The following HMCN1 variants were observed in gnomAD, a reference collection of about 807,000 sequenced individuals.
HMCN1 encodes hemicentin-1.
HMCN1 carries 321 observed loss-of-function variants against 625.9 expected under a neutral mutation model. The ratio of observed to expected loss-of-function variants is 0.51; its 90% confidence interval spans 0.47 to 0.56. HMCN1 has a LOEUF of 0.56. Ranked by LOEUF, HMCN1 falls within the 20% of genes least tolerant of loss-of-function variation. HMCN1 has a pLI of 0.00. For synonymous variants in HMCN1, 2,425 were observed against 2,417.6 expected (o/e 1.00, Z -0.09); for missense variants, 6,588 against 6,887.3 (o/e 0.96, Z 1.54).
intron 1 of HMCN1, among the ~76,000 whole-genome samples, chr1:185,794,601 ATT>A (rs34098989): frequency 0.013 from 1,494 of 111,152 alleles, 15 homozygotes; most frequent in African/African-American, 0.051. Flanking sequence ...GTCTTTACAC[ATT>A]TTTTTTTTTT....
In HMCN1 at chr1:186,117,480, A is replaced by G. The variant is rs1661188198; in HGVS notation, c.11705A>G (p.Glu3902Gly). The change falls in exon 77 of 107, where the codon GAG becomes GGG. Residue 3902 changes from glutamate (E) to glycine (G), a missense_variant. By Grantham distance (98) the Glu-to-Gly change is moderately conservative (BLOSUM62 -2). Transcript: ENST00000271588. Reference sequence around the variant, plus strand: ...TTAGTTCCACCTTCCATAGCTGATGAGCCTACAGATTTCCTAGTAACCAAA... The same window carrying G: ...TTAGTTCCACCTTCCATAGCTGATGGGCCTACAGATTTCCTAGTAACCAAA... ...TVQVPPSIAD[E>G]PTDFLVTKHA... 6.2e-7 allele frequency: 1 copy of G among 1,613,684 alleles called. No homozygotes were observed. Among genetic ancestry groups the G allele is most frequent in the African/African-American group, 1.3e-5 (1 of 74,868 alleles).
At chr1:185,913,170 G>A (rs1319853984) in intron 6 of HMCN1, among the ~76,000 whole-genome samples, 1 of 151,876 alleles carries the variant, frequency 6.6e-6, no homozygotes, top group Non-Finnish European at 1.5e-5. Context: ...ATTATTTCAA[G>A]GTGGATAATA....
At chr1:186,071,159 G>A (rs1024857747) in intron 52 of HMCN1, among the ~76,000 whole-genome samples, 1 of 152,114 alleles carries the variant, frequency 6.6e-6, no homozygotes, top group South Asian at 2.1e-4. Flanking sequence ...AGGTAAAGAA[G>A]CAACACATAA....
rs1375188474 is a variant in HMCN1, at chr1:185,997,524, G to T, written c.3874G>T (p.Gly1292Cys). The T allele has an allele frequency of 7.5e-6, 12 of 1,595,968 alleles. No homozygotes were observed. The highest frequency in any genetic ancestry group is 1.3e-5 in the African/African-American group (1 of 74,500). ...CATTGAATTTCCATGTCCTGCAAAA[G>T]GTACGTAATACTGAAAGATATAGGC... ...QRIEFPCPAK[G>C]TPKPTIKWLH... Residue 1292 changes from glycine to cysteine, a missense_variant and splice_region_variant, in exon 25 of 107, where the codon GGT (glycine) becomes TGT (cysteine). By Grantham distance (159) the Gly-to-Cys change is radical (BLOSUM62 -3). Transcript: ENST00000271588.
At chr1:185,837,158 T>C (rs180720784) in intron 1 of HMCN1, among the ~76,000 whole-genome samples, 1 of 151,862 alleles carries the variant, frequency 6.6e-6, no homozygotes, top group Non-Finnish European at 1.5e-5. Context: ...TGAACATATA[T>C]GTATCACAAA....
intron 1 of HMCN1, among the ~76,000 whole-genome samples, chr1:185,774,133 C>A (rs1253076614): frequency 6.6e-6 from 1 of 151,998 alleles, no homozygotes; most frequent in Non-Finnish European, 1.5e-5. Flanking sequence ...TTTCCAGATC[C>A]CCTAACCTCA....
chr1:185,846,404 C>T (rs1175043243), intron 2 of HMCN1, among the ~76,000 whole-genome samples: 1 of 152,166 alleles, frequency 6.6e-6, no homozygotes, highest in East Asian at 1.9e-4. Context: ...CCCTGCTCTA[C>T]ATAAGTCTTT....
At chr1:186,181,428 A>C (rs1330427436) in intron 104 of HMCN1, among the ~76,000 whole-genome samples, 1 of 152,138 alleles carries the variant, frequency 6.6e-6, no homozygotes, top group African/African-American at 2.4e-5. Context: ...ATAATAGCAG[A>C]TAGCCCTTTA....
intron 1 of HMCN1, among the ~76,000 whole-genome samples, chr1:185,765,273 T>C (rs1655798500): frequency 6.6e-6 from 1 of 152,030 alleles, no homozygotes; most frequent in African/African-American, 2.4e-5. Context: ...AAACTAAAGT[T>C]ACAAAGAGGT....
chr1:185,816,802 C>T (rs181358208), intron 1 of HMCN1, among the ~76,000 whole-genome samples: 1 of 152,304 alleles, frequency 6.6e-6, no homozygotes, highest in East Asian at 1.9e-4. Context: ...AGCTGGGAGA[C>T]AGAAAGAAGT....
chr1:185,898,485 G>A (rs1349458028), intron 4 of HMCN1, among the ~76,000 whole-genome samples: 1 of 151,932 alleles, frequency 6.6e-6, no homozygotes, highest in Non-Finnish European at 1.5e-5. Flanking sequence ...TTTTTAACTA[G>A]AAAGATAGCG....
intron 30 of HMCN1, among the ~76,000 whole-genome samples, chr1:186,012,958 A>T (rs1654098780): frequency 6.6e-6 from 1 of 152,118 alleles, no homozygotes; most frequent in African/African-American, 2.4e-5. Context: ...TAAAAATTAG[A>T]TATTTCACCA....
At chr1:185,774,006 G>C (rs1656425924) in intron 1 of HMCN1, among the ~76,000 whole-genome samples, 1 of 152,112 alleles carries the variant, frequency 6.6e-6, no homozygotes, top group African/African-American at 2.4e-5. Flanking sequence ...GCTATGCGTG[G>C]AGCTCAGTGG....
chr1:186,076,257 T>C (rs946221313), intron 53 of HMCN1, among the ~76,000 whole-genome samples, 171 bp from the exon 54 acceptor site: 2 of 152,158 alleles, frequency 1.3e-5, no homozygotes, highest in Non-Finnish European at 2.9e-5. Flanking sequence ...GCTCCGACTT[T>C]CGTGTACTAC....
At chr1:186,018,160 C>G in intron 33 of HMCN1, 23 bp from the exon 34 acceptor site, 1 of 1,595,234 alleles carries the variant, frequency 6.3e-7, no homozygotes, top group Non-Finnish European at 8.6e-7. Context: ...TTTATCCAGA[C>G]TTCCTTTTGC....
chr1:185,829,262 C>G lies in HMCN1; in HGVS notation c.269-16764C>G, dbSNP rs181346204. ...TGGGCATGGTGGCTCACACCTGTAA[C>G]CCCAGTACTTTGTTTCATTTTTTTT... On this transcript the variant is annotated intron_variant, in intron 1 of 106. Transcript: ENST00000271588. Among the ~76,000 whole-genome samples the G allele has an allele frequency of 1.7e-3, 258 of 151,700 alleles. 1 individual carries two copies. Among genetic ancestry groups the G allele is most frequent in the African/African-American group, 6.0e-3 (246 of 41,264 alleles).
chr1:186,041,598 G>A (rs190031452), intron 40 of HMCN1, among the ~76,000 whole-genome samples: 221 of 152,040 alleles, frequency 1.5e-3, no homozygotes, highest in African/African-American at 4.9e-3. Flanking sequence ...TATAAATTTA[G>A]GCAAAATTTA....
At chr1:186,039,282 C>G (rs1656045147) in intron 38 of HMCN1, among the ~76,000 whole-genome samples, 1 of 152,108 alleles carries the variant, frequency 6.6e-6, no homozygotes, top group African/African-American at 2.4e-5. Context: ...TATAAATGCT[C>G]TCTGAAAGAA....
intron 30 of HMCN1, among the ~76,000 whole-genome samples, chr1:186,013,816 G>A (rs1654155256): frequency 6.6e-6 from 1 of 152,142 alleles, no homozygotes; most frequent in African/African-American, 2.4e-5. Flanking sequence ...TGTAACCCAA[G>A]GCATTTAAGT....
Sources: gnomAD v4.1 joint callset for allele counts (sites outside exome capture counted in the v4.1 genomes callset) on GRCh38, gnomAD v4.1.1 for gene constraint, MANE v1.5 for transcripts, NCBI Gene and HGNC (gene_info 2026-07-23, HGNC 2026-07-21) for gene names.